Variants in RTN4RL1 observed in about 807,000 individuals in gnomAD.
The protein encoded by RTN4RL1 is reticulon 4 receptor like 1.
In RTN4RL1, 7 loss-of-function variants were observed where a neutral mutation model predicts 25.6. That is an observed-to-expected ratio of 0.27 (90% CI 0.16 to 0.51). The LOEUF (loss-of-function observed/expected upper bound fraction) is 0.51, where lower values mean the gene tolerates loss of function less well. Ranked by LOEUF, RTN4RL1 falls within the 20% of genes least tolerant of loss-of-function variation. The pLI is 0.97. For missense variants in RTN4RL1, 500 were observed against 615.6 expected, an observed-to-expected ratio of 0.81 and a Z score of 1.99; for synonymous variants, 297 against 288.2, an observed-to-expected ratio of 1.03 and a Z score of -0.31.
At chr17:1,955,454 G>A (rs1327750170) in intron 1 of RTN4RL1, among the ~76,000 whole-genome samples, 1 of 151,852 alleles carries the variant, frequency 6.6e-6, no homozygotes, top group Non-Finnish European at 1.5e-5. Flanking sequence ...TACTCAGGAG[G>A]CTGAGGCGGG....
At chr17:1,997,273 C>T (rs1438735179) in intron 1 of RTN4RL1, among the ~76,000 whole-genome samples, 1 of 152,226 alleles carries the variant, frequency 6.6e-6, no homozygotes, top group Non-Finnish European at 1.5e-5. Context: ...TTATTTCCTG[C>T]CTCTGGGCCT....
chr17:1,971,735 G>A (rs1005706513), intron 1 of RTN4RL1, among the ~76,000 whole-genome samples: 4 of 152,022 alleles, frequency 2.6e-5, no homozygotes, highest in Admixed American at 6.6e-5. Flanking sequence ...GGCAGAGGCG[G>A]GTGGATCACG....
intron 1 of RTN4RL1, 83 bp downstream of exon 1, chr17:2,024,770 G>T: frequency 4.3e-6 from 6 of 1,409,094 alleles, no homozygotes; most frequent in Non-Finnish European, 5.8e-6. Flanking sequence ...CAGACCGGGA[G>T]CCCCGGCGCC....
chr17:1,980,004 C>G (rs567401359), intron 1 of RTN4RL1, among the ~76,000 whole-genome samples: 1 of 152,192 alleles, frequency 6.6e-6, no homozygotes, highest in African/African-American at 2.4e-5. Context: ...ACACCCTGGC[C>G]TGGGGGTGTC....
chr17:1,940,744 G>C (rs1348181515), intron 1 of RTN4RL1, among the ~76,000 whole-genome samples: 2 of 152,022 alleles, frequency 1.3e-5, no homozygotes, highest in Non-Finnish European at 2.9e-5. Context: ...ACCCCTCCTC[G>C]GGCTGCTACC....
chr17:1,980,230 ATTTTT>A (rs34130716), intron 1 of RTN4RL1, among the ~76,000 whole-genome samples: 1 of 126,408 alleles, frequency 7.9e-6, no homozygotes, highest in African/African-American at 3.1e-5. Flanking sequence ...CGCTCAGCTA[ATTTTT>A]TTTTTTTTTT....
chr17:1,936,566 G>A lies in RTN4RL1; in HGVS notation c.1256C>T (p.Ala419Val). The change falls in exon 2 of 2, where the codon GCC (alanine) becomes GTC (valine). Residue 419 changes from alanine to valine, a missense_variant. By Grantham distance (64) the Ala-to-Val change is moderately conservative (BLOSUM62 0). Coordinates refer to ENST00000331238, the MANE Select transcript of RTN4RL1 (RefSeq NM_178568.4). ...PIRAPSGVQQ[A>V]SSASSLGASL... Reference sequence around the variant, plus strand: ...GGCCCCCAGGGAACTGGCCGAGGAGGCCTGCTGCACCCCGCTGGGGGCACG... The same window carrying A: ...GGCCCCCAGGGAACTGGCCGAGGAGACCTGCTGCACCCCGCTGGGGGCACG... 6.4e-7 allele frequency: 1 copy of A among 1,565,574 alleles called. No homozygotes were observed. The highest frequency in any genetic ancestry group is 8.7e-7 in the Non-Finnish European group (1 of 1,155,952).
chr17:1,984,846 A>C (rs1343391825), intron 1 of RTN4RL1, among the ~76,000 whole-genome samples: 1 of 152,100 alleles, frequency 6.6e-6, no homozygotes, highest in Non-Finnish European at 1.5e-5. Context: ...ACACACCTGT[A>C]ATCCCAGCTA....
At chr17:1,992,146 C>T (rs1253726038) in intron 1 of RTN4RL1, among the ~76,000 whole-genome samples, 2 of 151,902 alleles carry the variant, frequency 1.3e-5, no homozygotes, top group Non-Finnish European at 2.9e-5. Context: ...GGGTGGATGA[C>T]GAGGTCAGGA....
chr17:1,940,667 C>T (rs1487307551), intron 1 of RTN4RL1, among the ~76,000 whole-genome samples: 1 of 152,112 alleles, frequency 6.6e-6, no homozygotes, highest in Non-Finnish European at 1.5e-5. Flanking sequence ...GGGAGGGGGC[C>T]CCAACCCACA....
intron 1 of RTN4RL1, among the ~76,000 whole-genome samples, chr17:1,977,882 C>A (rs867344544): frequency 1.3e-5 from 2 of 152,048 alleles, no homozygotes; most frequent in South Asian, 4.2e-4. Context: ...GCGCATCCTG[C>A]ATCCTGCACC....
intron 1 of RTN4RL1, among the ~76,000 whole-genome samples, chr17:1,964,792 T>C (rs1352171770): frequency 5.2e-5 from 5 of 95,902 alleles, no homozygotes; most frequent in Non-Finnish European, 7.5e-5. Flanking sequence ...TCTTTTCTTT[T>C]TTTTTTTTTT....
chr17:1,975,931 T>C (rs2066840954), intron 1 of RTN4RL1, among the ~76,000 whole-genome samples: 1 of 152,186 alleles, frequency 6.6e-6, no homozygotes, highest in African/African-American at 2.4e-5. Flanking sequence ...ATAAAAACAG[T>C]AGCCCGTACA....
chr17:1,987,718 GACACACACAC>G (rs59658751), intron 1 of RTN4RL1, among the ~76,000 whole-genome samples: 18,164 of 144,904 alleles, frequency 0.13, 1,174 homozygotes, highest in Admixed American at 0.14. Flanking sequence ...TGAGTTCAGG[GACACACACAC>G]ACACACACAC....
At chr17:1,981,434 T>G (rs1396295571) in intron 1 of RTN4RL1, among the ~76,000 whole-genome samples, 1 of 152,188 alleles carries the variant, frequency 6.6e-6, no homozygotes, top group Non-Finnish European at 1.5e-5. Flanking sequence ...ATCTTGGTAT[T>G]TTTTTCTTTG....
At chr17:1,956,855 C>T (rs1481146939) in intron 1 of RTN4RL1, among the ~76,000 whole-genome samples, 5 of 151,618 alleles carry the variant, frequency 3.3e-5, no homozygotes, top group African/African-American at 9.7e-5. Flanking sequence ...GATTCTCCTT[C>T]GTCAGCACTC....
intron 1 of RTN4RL1, among the ~76,000 whole-genome samples, chr17:2,002,583 C>T (rs1237025178): frequency 2.6e-5 from 4 of 151,878 alleles, no homozygotes; most frequent in Non-Finnish European, 4.4e-5. Context: ...TGAGCCACCG[C>T]GCCCGGCCTG....
intron 1 of RTN4RL1, among the ~76,000 whole-genome samples, chr17:1,957,889 G>C (rs924994840): frequency 2.7e-5 from 3 of 109,556 alleles, no homozygotes; most frequent in Admixed American, 9.2e-5. Flanking sequence ...AACAAACAAA[G>C]TGAGATGGTG....
intron 1 of RTN4RL1, among the ~76,000 whole-genome samples, chr17:1,946,949 C>T (rs1915565923): frequency 6.9e-6 from 1 of 145,704 alleles, no homozygotes; most frequent in Non-Finnish European, 1.5e-5. Context: ...TGTGTGTGTG[C>T]ACGGGGTCTG....
Sources: allele counts gnomAD v4.1 joint callset (sites outside exome capture counted in the v4.1 genomes callset), GRCh38; gene constraint gnomAD v4.1.1; transcripts MANE v1.5; gene names NCBI Gene and HGNC (gene_info 2026-07-23, HGNC 2026-07-21).